PDZD2: variants seen among roughly 807,000 people sequenced by gnomAD.
PDZD2 encodes the protein PDZ domain-containing protein 2.
In PDZD2, 90 loss-of-function variants were observed where a neutral mutation model predicts 220.7. The ratio of observed to expected loss-of-function variants is 0.41; its 90% CI spans 0.34 to 0.49. The LOEUF is 0.49. Among genes scored for constraint, PDZD2 ranks in the 20% least tolerant of loss-of-function variants. The probability of loss-of-function intolerance (pLI) is 0.28; values close to 1 mark genes in which losing one functional copy is unlikely to be tolerated. For missense variants in PDZD2, 3,174 were observed against 3,608.5 expected, an observed-to-expected ratio of 0.88 and a Z score of 3.08; for synonymous variants, 1,375 against 1,450.5, an observed-to-expected ratio of 0.95 and a Z score of 1.18.
At chr5:31,758,865 G>C (rs1021033298) in intron 1 of PDZD2, among the ~76,000 whole-genome samples, 1 of 152,064 alleles carries the variant, frequency 6.6e-6, no homozygotes, top group Admixed American at 6.5e-5. Context: ...AAAGCAAAAT[G>C]GTAGAGCAAA....
At chr5:31,880,425 C>T (rs904036252) in intron 2 of PDZD2, among the ~76,000 whole-genome samples, 2 of 152,154 alleles carry the variant, frequency 1.3e-5, no homozygotes, top group African/African-American at 2.4e-5. Flanking sequence ...GGCATTTCAT[C>T]GCTGCTTCAA....
At chr5:32,058,143 A>G (rs928490380) in intron 12 of PDZD2, 40 bp downstream of exon 12, 6 of 1,048,582 alleles carry the variant, frequency 5.7e-6, no homozygotes, top group African/African-American at 4.7e-5. Flanking sequence ...CATTTCTTGA[A>G]TAACATTTTG....
At chr5:31,882,423 A>G (rs1372563783) in intron 2 of PDZD2, among the ~76,000 whole-genome samples, 2 of 152,186 alleles carry the variant, frequency 1.3e-5, no homozygotes, top group African/African-American at 4.8e-5. Flanking sequence ...AAACACAGGG[A>G]TAATAATTAG....
chr5:32,046,010 G>A (rs1003789197), intron 7 of PDZD2, among the ~76,000 whole-genome samples: 2 of 151,984 alleles, frequency 1.3e-5, no homozygotes, highest in African/African-American at 2.4e-5. Context: ...CCTAGTCTAG[G>A]TGATGAACTT....
chr5:32,046,058 T>G (rs1224621984), intron 7 of PDZD2, among the ~76,000 whole-genome samples: 1 of 152,184 alleles, frequency 6.6e-6, no homozygotes, highest in Non-Finnish European at 1.5e-5. Flanking sequence ...CAAACACATA[T>G]GTATATACAT....
intron 6 of PDZD2, among the ~76,000 whole-genome samples, chr5:32,019,705 A>T (rs1371781227): frequency 3.3e-5 from 5 of 152,226 alleles, no homozygotes; most frequent in African/African-American, 9.6e-5. Context: ...TTAGTATGCA[A>T]TCAACTTTAT....
At chr5:31,691,242 G>A (rs1747107427) in intron 1 of PDZD2, among the ~76,000 whole-genome samples, 1 of 151,036 alleles carries the variant, frequency 6.6e-6, no homozygotes, top group Non-Finnish European at 1.5e-5. Context: ...AAGGCGGCGC[G>A]TCTGGAGTTG....
intron 7 of PDZD2, among the ~76,000 whole-genome samples, chr5:32,043,357 G>A (rs1432662449): frequency 6.6e-6 from 1 of 152,234 alleles, no homozygotes; most frequent in African/African-American, 2.4e-5. Flanking sequence ...GCATATGCAG[G>A]AATCCAGCAG....
At chr5:32,021,333 C>T (rs560661542) in intron 6 of PDZD2, among the ~76,000 whole-genome samples, 26 of 152,038 alleles carry the variant, frequency 1.7e-4, no homozygotes, top group East Asian at 1.9e-4. Context: ...GGCATGATCT[C>T]GGCTCACTGC....
chr5:31,795,363 G>A (rs985232626), intron 1 of PDZD2, among the ~76,000 whole-genome samples: 2 of 152,182 alleles, frequency 1.3e-5, no homozygotes, highest in Non-Finnish European at 1.5e-5. Flanking sequence ...AATTATCTCA[G>A]TAACAGAAGC....
rs1745257955 is a variant in PDZD2 at position 32,110,264 on chromosome 5, A to G, written c.*2129A>G. 1 of 152,660 alleles carries G rather than the reference A, an allele frequency of 6.6e-6. No individual in the cohort carries two copies. Among genetic ancestry groups the G allele is most frequent in the African/African-American group, 2.4e-5 (1 of 41,466 alleles). 9.5% of individuals were successfully genotyped at this position (152,660 alleles called of 1,614,324 possible). A position where few individuals can be genotyped will look rare whatever the true frequency, so the allele number is the denominator to read the frequency against. ...GCAAATGGAATGGTCTCCTTCCGCA[A>G]GTCTTTTTAATCCTCATATCTGGAG... is the stretch of plus-strand genomic sequence containing the variant. On this transcript the variant is annotated 3_prime_UTR_variant, in exon 25 of 25. Coordinates refer to ENST00000438447, the MANE Select transcript of PDZD2 (RefSeq NM_178140.4).
chr5:32,056,184 G>A (rs1739065928), intron 10 of PDZD2, among the ~76,000 whole-genome samples: 1 of 152,156 alleles, frequency 6.6e-6, no homozygotes, highest in Non-Finnish European at 1.5e-5. Context: ...TCACCTAATT[G>A]AGTAATTGGT....
chr5:31,701,330 G>A (rs563684746), intron 1 of PDZD2, among the ~76,000 whole-genome samples: 8 of 152,096 alleles, frequency 5.3e-5, no homozygotes, highest in East Asian at 1.9e-4. Context: ...CTAAATAGCC[G>A]GGCTTCCATG....
rs1352361781 is a variant in PDZD2, at chr5:32,060,998, C to T, written c.2319-4C>T. ...CAGAGTGTGGATTCTGTTGCCCTCCCTAGCCGCGGGGATCAAATCCTGGAA... is the reference window on the plus strand; with the variant it reads ...CAGAGTGTGGATTCTGTTGCCCTCCTTAGCCGCGGGGATCAAATCCTGGAA... On this transcript the variant is annotated splice_polypyrimidine_tract_variant and splice_region_variant and intron_variant, in intron 13 of 24. Transcript: ENST00000438447. 6 of 1,614,160 alleles carry T rather than the reference C, an allele frequency of 3.7e-6. No homozygotes were observed. The highest frequency in any genetic ancestry group is 5.1e-6 in the Non-Finnish European group (6 of 1,179,990).
At chr5:31,850,925 T>G (rs1018014108) in intron 2 of PDZD2, among the ~76,000 whole-genome samples, 1 of 152,084 alleles carries the variant, frequency 6.6e-6, no homozygotes, top group Admixed American at 6.6e-5. Flanking sequence ...TGTGAGCCAC[T>G]GTGCCTGGCC....
intron 2 of PDZD2, among the ~76,000 whole-genome samples, chr5:31,857,039 G>A (rs756323515): frequency 3.9e-4 from 59 of 152,056 alleles, no homozygotes; most frequent in South Asian, 8.3e-4. Flanking sequence ...CTAGAGGCGT[G>A]GTCTTGTTAT....
chr5:31,949,756 T>C (rs1014362856), intron 2 of PDZD2, among the ~76,000 whole-genome samples: 3 of 149,334 alleles, frequency 2.0e-5, no homozygotes, highest in Admixed American at 1.4e-4. Context: ...CACTGCAACC[T>C]CTGCCTCCCG....
At chr5:31,784,690 C>T (rs1265912887) in intron 1 of PDZD2, among the ~76,000 whole-genome samples, 2 of 123,480 alleles carry the variant, frequency 1.6e-5, no homozygotes, top group South Asian at 3.1e-4. Context: ...AGGTGGATCA[C>T]GAGGTCAGGA....
chr5:32,107,956 T>C lies in PDZD2; in HGVS notation c.8354-13T>C. 1 of 1,602,334 alleles carries C rather than the reference T, an allele frequency of 6.2e-7. No individual in the cohort carries two copies. Among genetic ancestry groups the C allele is most frequent in the South Asian group, 1.1e-5 (1 of 89,550 alleles). Reference sequence around the variant, plus strand: ...CTGCCAAGCTATTAATTATTCTGTGTTTATTCTCGTAGGTGGTGCGGCTGA... The same window carrying C: ...CTGCCAAGCTATTAATTATTCTGTGCTTATTCTCGTAGGTGGTGCGGCTGA... On this transcript the variant is annotated splice_polypyrimidine_tract_variant and intron_variant, in intron 24 of 24. Transcript: ENST00000438447.
Sources: allele counts gnomAD v4.1 joint callset (sites outside exome capture counted in the v4.1 genomes callset), GRCh38; gene constraint gnomAD v4.1.1; transcripts MANE v1.5; gene names NCBI Gene and HGNC (gene_info 2026-07-23, HGNC 2026-07-21).